Variants in NOX4 observed in about 807,000 individuals in gnomAD.
NOX4 encodes NADPH oxidase 4, also known as kidney oxidase-1.
A neutral mutation model predicts 87.6 loss-of-function variants in NOX4; 69 were observed. The ratio of observed to expected loss-of-function variants is 0.79; its 90% CI spans 0.65 to 0.96. The LOEUF (loss-of-function observed/expected upper bound fraction) is 0.96, where lower values mean the gene tolerates loss of function less well. Among genes scored for constraint, NOX4 ranks in the 40% least tolerant of loss-of-function variants. The probability of loss-of-function intolerance (pLI) is 0.00; values close to 1 mark genes in which losing one functional copy is unlikely to be tolerated. For missense variants in NOX4, 680 were observed against 681.5 expected (o/e 1.00, Z 0.02); for synonymous variants, 275 against 238.2 (o/e 1.15, Z -1.42).
the NOX4 span, among the ~76,000 whole-genome samples, chr11:89,561,940 T>C: frequency 6.6e-6 from 1 of 152,096 alleles, no homozygotes; most frequent in Non-Finnish European, 1.5e-5. Flanking sequence ...CATACATGAA[T>C]ATGCCCTGTA....
the NOX4 span, among the ~76,000 whole-genome samples, chr11:89,554,892 A>T: frequency 1.3e-5 from 2 of 152,176 alleles, no homozygotes; most frequent in Non-Finnish European, 2.9e-5. Context: ...TTTATTATTC[A>T]TCTGGGTCTG....
At chr11:89,388,108 T>C (rs1405571651) in intron 11 of NOX4, among the ~76,000 whole-genome samples, 1 of 152,210 alleles carries the variant, frequency 6.6e-6, no homozygotes, top group African/African-American at 2.4e-5. Context: ...TCAATTAGTA[T>C]AGATAAACTA....
intron 11 of NOX4, among the ~76,000 whole-genome samples, chr11:89,378,687 C>T (rs1940045845): frequency 6.6e-6 from 1 of 151,946 alleles, no homozygotes; most frequent in Non-Finnish European, 1.5e-5. Flanking sequence ...GAGAATTAAC[C>T]TCCTATAAAA....
At chr11:89,429,305 G>T (rs1345769298) in intron 7 of NOX4, among the ~76,000 whole-genome samples, 2 of 151,986 alleles carry the variant, frequency 1.3e-5, no homozygotes, top group Non-Finnish European at 2.9e-5. Flanking sequence ...AAGAACTAGA[G>T]AAGCAAGAGC....
At chr11:89,420,302 G>A (rs987963370) in intron 8 of NOX4, among the ~76,000 whole-genome samples, 1 of 152,138 alleles carries the variant, frequency 6.6e-6, no homozygotes, top group Admixed American at 6.6e-5. Context: ...CATAGAGTAA[G>A]CATTATGTAA....
Position 89,373,482 on chromosome 11 carries a change from T to C in NOX4, c.1085A>G (p.Glu362Gly). Residue 362 changes from glutamate to glycine, a missense_variant, in exon 12 of 18, where the codon GAA (glutamate) becomes GGA (glycine). Coordinates refer to ENST00000263317, the MANE Select transcript of NOX4 (RefSeq NM_016931.5). ...ATGAACCCCAAATGTTGCTTTGGTT[T>C]CAGTTGGACACTAAAAAAAAATACT... ...HPFTLTMCPTETKATFGVHLK... is the reference protein window; with the variant it reads ...HPFTLTMCPTGTKATFGVHLK... 1 of 1,588,886 alleles carries C rather than the reference T, an allele frequency of 6.3e-7. No homozygotes were observed. The highest frequency in any genetic ancestry group is 8.6e-7 in the Non-Finnish European group (1 of 1,158,266).
intron 14 of NOX4, among the ~76,000 whole-genome samples, chr11:89,340,982 G>T (rs1396856205): frequency 1.3e-5 from 2 of 151,930 alleles, no homozygotes; most frequent in East Asian, 3.9e-4. Flanking sequence ...AAAAAAAATA[G>T]TAAATGGAAT....
chr11:89,433,563 C>A (rs981405167), intron 6 of NOX4, among the ~76,000 whole-genome samples: 4 of 152,064 alleles, frequency 2.6e-5, no homozygotes, highest in African/African-American at 9.6e-5. Context: ...TGCTTTTAGG[C>A]TTCACTAACT....
chr11:89,419,660 A>G (rs559241388), intron 8 of NOX4, among the ~76,000 whole-genome samples: 3 of 151,968 alleles, frequency 2.0e-5, no homozygotes, highest in Non-Finnish European at 4.4e-5. Flanking sequence ...AATTCATCCT[A>G]TAGATGCCTA....
chr11:89,413,024 T>C (rs1277797061), intron 8 of NOX4, among the ~76,000 whole-genome samples: 4 of 152,136 alleles, frequency 2.6e-5, no homozygotes, highest in Non-Finnish European at 5.9e-5. Flanking sequence ...GCACAATATC[T>C]AAATTGACAT....
chr11:89,461,235 C>T (rs1408598463), intron 2 of NOX4, among the ~76,000 whole-genome samples: 2 of 151,588 alleles, frequency 1.3e-5, no homozygotes, highest in Non-Finnish European at 2.9e-5. Flanking sequence ...GTGCAGCACA[C>T]CAACATGGCA....
the NOX4 span, among the ~76,000 whole-genome samples, chr11:89,528,362 G>T: frequency 0.079 from 11,975 of 152,152 alleles, 895 homozygotes; most frequent in Admixed American, 0.22. Flanking sequence ...AGGGACTACT[G>T]GGAAGGCATG....
chr11:89,352,869 G>A (rs1021269762), intron 13 of NOX4, among the ~76,000 whole-genome samples: 1 of 152,164 alleles, frequency 6.6e-6, no homozygotes, highest in African/African-American at 2.4e-5. Context: ...GCCCAGGCTG[G>A]AGCGCAGTGG....
intron 4 of NOX4, among the ~76,000 whole-genome samples, chr11:89,446,110 A>C (rs1170559300): frequency 6.6e-6 from 1 of 152,186 alleles, no homozygotes; most frequent in Non-Finnish European, 1.5e-5. Context: ...AAGCACGAAA[A>C]GATGATCCAC....
At chr11:89,404,157 T>A (rs1202044458) in intron 8 of NOX4, among the ~76,000 whole-genome samples, 2 of 152,174 alleles carry the variant, frequency 1.3e-5, no homozygotes, top group African/African-American at 4.8e-5. Flanking sequence ...AAGTTTCTAG[T>A]CACCCAATAC....
the NOX4 span, among the ~76,000 whole-genome samples, chr11:89,526,531 T>A: frequency 1.3e-5 from 2 of 152,164 alleles, no homozygotes; most frequent in African/African-American, 4.8e-5. Context: ...ATCATCATAA[T>A]CCTCATAATC....
intron 2 of NOX4, among the ~76,000 whole-genome samples, chr11:89,487,421 T>C (rs1006063694): frequency 7.6e-6 from 1 of 131,276 alleles, no homozygotes; most frequent in African/African-American, 3.7e-5. Flanking sequence ...AAATGGACCA[T>C]ATTCTGTGGG....
At chr11:89,331,947 T>G (rs1945493756) in intron 17 of NOX4, among the ~76,000 whole-genome samples, 1 of 151,792 alleles carries the variant, frequency 6.6e-6, no homozygotes, top group Non-Finnish European at 1.5e-5. Flanking sequence ...AAGGAATCTT[T>G]GCAATTCATT....
At chr11:89,568,263 T>C in the NOX4 span, among the ~76,000 whole-genome samples, 2 of 152,006 alleles carry the variant, frequency 1.3e-5, no homozygotes, top group Non-Finnish European at 2.9e-5. Context: ...TGAATGAAAT[T>C]GAGATTAAAA....
Sources: gnomAD v4.1 joint callset for allele counts (sites outside exome capture counted in the v4.1 genomes callset) on GRCh38, gnomAD v4.1.1 for gene constraint, MANE v1.5 for transcripts, NCBI Gene and HGNC (gene_info 2026-07-23, HGNC 2026-07-21) for gene names.